The following CYBB variants were observed in gnomAD, a reference collection of about 807,000 sequenced individuals.
CYBB encodes NADPH oxidase 2.
A neutral mutation model predicts 46.5 loss-of-function variants in CYBB; 5 were observed. That is an observed-to-expected ratio of 0.11 (90% CI 0.06 to 0.23). CYBB has a LOEUF of 0.23. CYBB is among the 10% of genes least tolerant of loss of function. The pLI is 1.00. For missense variants in CYBB, 307 were observed against 428.3 expected (o/e 0.72, Z 2.50); for synonymous variants, 183 against 156.7 (o/e 1.17, Z -1.26).
In CYBB at chrX:37,812,449, T is replaced by TA; in HGVS notation, c.*1538dup. 1 of 110,424 alleles carries TA rather than the reference T, an allele frequency of 9.1e-6. No homozygotes were observed. The highest frequency in any genetic ancestry group is 2.8e-4 in the East Asian group (1 of 3,536). 9.1% of individuals were successfully genotyped at this position (110,424 alleles called of 1,213,427 possible). On this transcript the variant is annotated 3_prime_UTR_variant, in exon 13 of 13. Coordinates refer to ENST00000378588, the MANE Select transcript of CYBB (RefSeq NM_000397.4). The stretch of plus-strand genomic sequence containing the variant: ...AAGAGAATGGGAGAGTGAGAGAAAA[T>TA]AAAAAAGGCAAAAGGGAGAGAGAGG...
intron 5 of CYBB, among the ~76,000 whole-genome samples, chrX:37,795,445 C>T (rs1211068100): frequency 5.4e-5 from 6 of 111,655 alleles, no homozygotes; most frequent in African/African-American, 2.0e-4. Flanking sequence ...TATCCTATTC[C>T]CTACTCTCTT....
chrX:37,797,976 A>G (rs1929348926), intron 6 of CYBB, among the ~76,000 whole-genome samples: 1 of 112,118 alleles, frequency 8.9e-6, no homozygotes, highest in Non-Finnish European at 1.9e-5. Flanking sequence ...TAATTTGTGT[A>G]AAATGACTTT....
chrX:37,791,069 A>C (rs1235000886), intron 3 of CYBB, among the ~76,000 whole-genome samples: 2 of 111,915 alleles, frequency 1.8e-5, no homozygotes, highest in South Asian at 3.6e-4. Flanking sequence ...TGAGTACAAT[A>C]GTATTTTTAA....
chrX:37,780,355 A>T (rs1443108171), intron 1 of CYBB, among the ~76,000 whole-genome samples: 3 of 111,906 alleles, frequency 2.7e-5, no homozygotes, highest in Non-Finnish European at 5.6e-5. Context: ...GGAGGAATAA[A>T]TTAGCCAGCA....
chrX:37,809,812 G>A (rs1929634679), intron 12 of CYBB, 121 bp downstream of exon 12: 1 of 717,561 alleles, frequency 1.4e-6, no homozygotes, highest in South Asian at 2.7e-5. Context: ...TATAAAGATT[G>A]AATTCATGCC....
At chrX:37,794,320 A>T (rs1290192613) in intron 5 of CYBB, among the ~76,000 whole-genome samples, 1 of 111,306 alleles carries the variant, frequency 9.0e-6, no homozygotes, top group Non-Finnish European at 1.9e-5. Context: ...TTCTCAGATA[A>T]GGTATCTTAA....
intron 11 of CYBB, among the ~76,000 whole-genome samples, chrX:37,807,384 A>G (rs1159750771): frequency 9.1e-6 from 1 of 110,060 alleles, no homozygotes; most frequent in Non-Finnish European, 1.9e-5. Context: ...ATATGTATTT[A>G]TAAAATCATT....
intron 11 of CYBB, among the ~76,000 whole-genome samples, chrX:37,807,877 A>G (rs1556472178): frequency 9.0e-6 from 1 of 111,590 alleles, no homozygotes; most frequent in Non-Finnish European, 1.9e-5. Flanking sequence ...CAATGTAAAT[A>G]TCCTACAATT....
In CYBB at chrX:37,804,017, T is replaced by G; in HGVS notation, c.1038T>G (p.Pro346=). ...EWHPFTLTSA[P]EEDFFSIHIR... ...ACCCTTTTACACTGACATCCGCCCC[T>G]GAGGAAGACTTCTTTAGTATCCATA... The change falls in exon 9 of 13, where the codon CCT becomes CCG. Residue 346 remains proline (P), a synonymous_variant. Transcript: ENST00000378588. The G allele has an allele frequency of 1.7e-6, 2 of 1,211,341 alleles. No individual in the cohort carries two copies. Among genetic ancestry groups the G allele is most frequent in the Non-Finnish European group, 2.2e-6 (2 of 895,229 alleles).
intron 3 of CYBB, among the ~76,000 whole-genome samples, chrX:37,785,207 C>T (rs1177521161): frequency 1.1e-5 from 1 of 89,940 alleles, no homozygotes; most frequent in East Asian, 2.9e-4. Flanking sequence ...CCTTCGCTTC[C>T]TCAGAAAAAG....
At chrX:37,787,115 T>C (rs1181839206) in intron 3 of CYBB, among the ~76,000 whole-genome samples, 1 of 111,429 alleles carries the variant, frequency 9.0e-6, no homozygotes, top group Non-Finnish European at 1.9e-5. Flanking sequence ...GAGCTTAGAG[T>C]GTTAACAGGA....
chrX:37,786,903 T>C (rs1396710497), intron 3 of CYBB, among the ~76,000 whole-genome samples: 1 of 110,867 alleles, frequency 9.0e-6, no homozygotes, highest in East Asian at 2.8e-4. Context: ...TTCTGTCTCA[T>C]AGTTTTTTTT....
intron 5 of CYBB, 66 bp from the exon 6 acceptor site, chrX:37,795,885 C>T (rs1024233038): frequency 3.1e-5 from 24 of 786,239 alleles, no homozygotes; most frequent in East Asian, 9.7e-5. Context: ...ATTGTGCTTG[C>T]GCACATGTGT....
In CYBB at chrX:37,805,185, A is replaced by T. The variant is rs782516491; in HGVS notation, c.1314+17A>T. ...CTCAAAAAGGTAAGTCCTTTCATTT[A>T]TCGGAGGGCCTTAGAGCAGTAACCA... is the stretch of plus-strand genomic sequence containing the variant. On this transcript the variant is annotated intron_variant, in intron 10 of 12. Coordinates refer to ENST00000378588, the MANE Select transcript of CYBB (RefSeq NM_000397.4). The T allele has an allele frequency of 6.6e-6, 8 of 1,206,324 alleles. No individual in the cohort carries two copies. The South Asian group carries it at 1.1e-4, about 16-fold the overall frequency.
intron 4 of CYBB, among the ~76,000 whole-genome samples, chrX:37,793,138 A>G (rs181312592): frequency 2.2e-3 from 228 of 106,028 alleles, no homozygotes; most frequent in African/African-American, 7.5e-3. Flanking sequence ...TTAATAAAGA[A>G]TGCAATTTTT....
At position 37,801,306 on chromosome X, in the gene CYBB, G is replaced by A. The variant is rs782293433; in HGVS notation, c.855G>A (p.Leu285=). ...GPMFLYLCER[L]VRFWRSQQKV... The stretch of plus-strand genomic sequence containing the variant: ...TGTTTCTGTATCTCTGTGAGAGGTT[G>A]GTGCGGTTTTGGCGATCTCAACAGA... The change falls in exon 8 of 13, where the codon TTG becomes TTA. Residue 285 remains leucine, a synonymous_variant. Transcript: ENST00000378588. 1.3e-4 allele frequency: 156 copies of A among 1,207,163 alleles called. No individual in the cohort carries two copies. The highest frequency in any genetic ancestry group is 1.5e-4 in the Non-Finnish European group (134 of 893,186).
rs1569479274 is a variant in CYBB, at chrX:37,793,532, C to G, written c.338-133C>G. ...TTGGTTCTGGAGACCCAGTTCTTGT[C>G]TATAAGTGTCCTGGGCCTCCCTTTG... On this transcript the variant is annotated intron_variant, in intron 4 of 12. Transcript: ENST00000378588. 12 of 654,720 alleles carry G rather than the reference C, an allele frequency of 1.8e-5. No homozygotes were observed. In the Admixed American group the frequency reaches 2.0e-4, roughly 11 times the overall value. 54.0% of individuals were successfully genotyped at this position (654,720 alleles called of 1,213,427 possible). A position where few individuals can be genotyped will look rare whatever the true frequency, so the allele number is the denominator to read the frequency against.
At chrX:37,796,200 C>A in intron 6 of CYBB, 59 bp downstream of exon 6, 1 of 1,025,162 alleles carries the variant, frequency 9.8e-7, no homozygotes, top group Non-Finnish European at 1.4e-6. Flanking sequence ...AGGCAGGATG[C>A]TCCATTAGAG....
Position 37,793,666 on chromosome X carries a change from G to A in CYBB, c.339G>A (p.Ala113=), listed in dbSNP as rs1389196969. The change falls in exon 5 of 13, where the codon GCG becomes GCA. Residue 113 remains alanine, a splice_region_variant and synonymous_variant. Coordinates refer to ENST00000378588, the MANE Select transcript of CYBB (RefSeq NM_000397.4). The stretch of plus-strand genomic sequence containing the variant: ...GTTTCTCTTCTCTGCCCTTTTCAGC[G>A]ATTCACACCATTGCACATCTATTTA... ...MVAWMIALHS[A]IHTIAHLFNV... The A allele has an allele frequency of 9.9e-6, 12 of 1,208,140 alleles. No homozygotes were observed. The highest frequency in any genetic ancestry group is 4.4e-5 in the Admixed American group (2 of 45,803).
Sources: gnomAD v4.1 joint callset for allele counts (sites outside exome capture counted in the v4.1 genomes callset) on GRCh38, gnomAD v4.1.1 for gene constraint, MANE v1.5 for transcripts, NCBI Gene and HGNC (gene_info 2026-07-23, HGNC 2026-07-21) for gene names.